The following CRYL1 variants were observed in gnomAD, a reference collection of about 807,000 sequenced individuals.
The protein encoded by CRYL1 is crystallin lambda 1, also known as lambda-crystallin homolog.
CRYL1 carries 29 observed loss-of-function variants against 36.6 expected under a neutral mutation model. The observed-to-expected ratio is 0.79, with a 90% CI of 0.59 to 1.08. The LOEUF is 1.08. Among genes scored for constraint, CRYL1 ranks in the 50% least tolerant of loss-of-function variants. CRYL1 has a pLI of 0.00. For missense variants in CRYL1, 411 were observed against 407.9 expected (o/e 1.01, Z -0.06); for synonymous variants, 152 against 151.5 (o/e 1.00, Z -0.02).
In CRYL1 at chr13:20,478,122, A is replaced by G. The variant is rs1469099003; in HGVS notation, c.276+11248T>C. ...ACTCTAGAAAAAATGACTAGAAGCA[A>G]ATATTATAGTTGCTAAAGTGTTTAC... On this transcript the variant is annotated intron_variant, in intron 3 of 7. Transcript: ENST00000298248. Among the ~76,000 whole-genome samples the G allele has an allele frequency of 4.0e-5, 6 of 151,810 alleles. No homozygotes were observed. In the East Asian group the frequency reaches 1.2e-3, roughly 29 times the overall value.
intron 2 of CRYL1, among the ~76,000 whole-genome samples, chr13:20,498,079 A>C (rs1345840048): frequency 1.3e-5 from 2 of 151,008 alleles, no homozygotes; most frequent in Non-Finnish European, 1.5e-5. Flanking sequence ...CTACACACAC[A>C]CCACACATAC....
At chr13:20,465,941 T>G (rs1321653343) in intron 3 of CRYL1, among the ~76,000 whole-genome samples, 7 of 125,804 alleles carry the variant, frequency 5.6e-5, no homozygotes, top group African/African-American at 2.4e-4. Context: ...CCATGAGAGC[T>G]GGTTGAAAAA....
chr13:20,423,250 C>A (rs970192377), intron 5 of CRYL1, among the ~76,000 whole-genome samples: 8 of 152,186 alleles, frequency 5.3e-5, no homozygotes, highest in African/African-American at 1.7e-4. Context: ...AATTTGAATA[C>A]CTTTTATTTC....
intron 2 of CRYL1, among the ~76,000 whole-genome samples, chr13:20,503,929 C>T (rs1195139187): frequency 6.6e-6 from 1 of 152,188 alleles, no homozygotes; most frequent in African/African-American, 2.4e-5. Context: ...GAGATCACTG[C>T]TGGTGGTTTA....
chr13:20,432,065 A>G, intron 5 of CRYL1, 37 bp downstream of exon 5: 1 of 1,613,746 alleles, frequency 6.2e-7, no homozygotes, highest in Non-Finnish European at 8.5e-7. Context: ...GGAGGGAGAA[A>G]GGAAGGGAGG....
intron 1 of CRYL1, among the ~76,000 whole-genome samples, chr13:20,513,962 C>T (rs2033958697): frequency 6.7e-6 from 1 of 149,456 alleles, no homozygotes; most frequent in East Asian, 1.9e-4. Context: ...GGGATAGGGG[C>T]CCGATATAGG....
At chr13:20,434,385 G>A (rs1373354734) in intron 4 of CRYL1, among the ~76,000 whole-genome samples, 7 of 151,692 alleles carry the variant, frequency 4.6e-5, no homozygotes, top group Non-Finnish European at 1.0e-4. Flanking sequence ...CACATCAATC[G>A]GGGCTCTGTA....
rs189028996 is a variant in CRYL1 at position 20,430,881 on chromosome 13, C to T, written c.633+1221G>A. Reference sequence around the variant, plus strand: ...ATCTCCAAAAAGGTTCTGATAGATCCGTGTTTCTTTAAAAATACCTTGACA... The same window carrying T: ...ATCTCCAAAAAGGTTCTGATAGATCTGTGTTTCTTTAAAAATACCTTGACA... On this transcript the variant is annotated intron_variant, in intron 5 of 7. Transcript: ENST00000298248. 189 of 985,018 alleles carry T rather than the reference C, an allele frequency of 1.9e-4. 1 individual carries two copies. The African/African-American group carries it at 2.9e-3, about 15-fold the overall frequency. The allele number at this position is 985,018 out of a possible 1,614,324, so 61.0% of individuals were successfully genotyped here.
chr13:20,456,323 A>C (rs1243889029), intron 3 of CRYL1, among the ~76,000 whole-genome samples: 2 of 151,798 alleles, frequency 1.3e-5, no homozygotes, highest in African/African-American at 2.4e-5. Context: ...GAAATACAAA[A>C]ATTAGCTGGG....
chr13:20,466,040 G>A (rs1487694109), intron 3 of CRYL1, among the ~76,000 whole-genome samples: 1 of 151,870 alleles, frequency 6.6e-6, no homozygotes, highest in Non-Finnish European at 1.5e-5. Context: ...GCCATGGGTG[G>A]GAGCAGCCTA....
chr13:20,409,098 T>TATA (rs1397197756), intron 6 of CRYL1, among the ~76,000 whole-genome samples: 1 of 152,110 alleles, frequency 6.6e-6, no homozygotes, highest in African/African-American at 2.4e-5. Flanking sequence ...GACTTCAAGC[T>TATA]ATACTACAAG....
At chr13:20,451,334 T>C (rs1368751236) in intron 3 of CRYL1, among the ~76,000 whole-genome samples, 1 of 152,064 alleles carries the variant, frequency 6.6e-6, no homozygotes, top group Non-Finnish European at 1.5e-5. Context: ...TAAAAGAAAC[T>C]ATCAACAGCG....
At chr13:20,511,624 G>C (rs899601338) in intron 2 of CRYL1, among the ~76,000 whole-genome samples, 27 of 152,156 alleles carry the variant, frequency 1.8e-4, no homozygotes, top group Non-Finnish European at 4.4e-5. Context: ...GCAAATTCAA[G>C]TCATATATTC....
intron 3 of CRYL1, among the ~76,000 whole-genome samples, chr13:20,486,001 C>T (rs1248032965): frequency 6.6e-6 from 1 of 152,126 alleles, no homozygotes; most frequent in African/African-American, 2.4e-5. Context: ...CCACTGCAAC[C>T]TCCACCTCCC....
At chr13:20,469,566 T>G (rs1593466371) in intron 3 of CRYL1, among the ~76,000 whole-genome samples, 1 of 151,890 alleles carries the variant, frequency 6.6e-6, no homozygotes, top group African/African-American at 2.4e-5. Context: ...GGACTCGGGG[T>G]TCAATTAACT....
intron 4 of CRYL1, among the ~76,000 whole-genome samples, chr13:20,432,616 C>T (rs1049638913): frequency 3.9e-5 from 6 of 152,120 alleles, no homozygotes; most frequent in African/African-American, 2.4e-5. Context: ...TTTCTCTGCT[C>T]CCATCTGTCT....
intron 3 of CRYL1, among the ~76,000 whole-genome samples, chr13:20,466,725 C>G (rs1593464224): frequency 1.0e-5 from 1 of 99,918 alleles, no homozygotes; most frequent in African/African-American, 4.9e-5. Flanking sequence ...TGAAGTTGCA[C>G]CTGCTACATA....
At chr13:20,414,238 C>T (rs1362762123) in intron 5 of CRYL1, among the ~76,000 whole-genome samples, 1 of 149,928 alleles carries the variant, frequency 6.7e-6, no homozygotes, top group Non-Finnish European at 1.5e-5. Flanking sequence ...CATATGTATA[C>T]ACTAAAAAGA....
chr13:20,496,093 G>C (rs769315593), intron 2 of CRYL1, among the ~76,000 whole-genome samples: 3 of 152,144 alleles, frequency 2.0e-5, no homozygotes, highest in African/African-American at 4.8e-5. Context: ...GACCCACCTC[G>C]CCCGGCCTAG....
Sources: gnomAD v4.1 joint callset for allele counts (sites outside exome capture counted in the v4.1 genomes callset) on GRCh38, gnomAD v4.1.1 for gene constraint, MANE v1.5 for transcripts, NCBI Gene and HGNC (gene_info 2026-07-23, HGNC 2026-07-21) for gene names.